The following TVP23A variants were observed in gnomAD, a reference collection of about 807,000 sequenced individuals.
The protein encoded by TVP23A is trans-golgi network vesicle protein 23 homolog A.
Under a neutral mutation model 31.7 loss-of-function variants are expected in TVP23A, and 21 were observed. The ratio of observed to expected loss-of-function variants is 0.66; its 90% CI spans 0.47 to 0.95. TVP23A has a LOEUF of 0.95. TVP23A is among the 40% of genes least tolerant of loss of function. The pLI is 0.00. For synonymous variants in TVP23A, 104 were observed against 96.0 expected (o/e 1.08, Z -0.49); for missense variants, 279 against 255.6 (o/e 1.09, Z -0.62).
chr16:10,765,493 G>A (rs2030742557), downstream of TVP23A, among the ~76,000 whole-genome samples: 1 of 152,118 alleles, frequency 6.6e-6, no homozygotes, highest in Non-Finnish European at 1.5e-5. The surrounding 1 kb of genome is among the most constrained non-coding windows in gnomAD (Gnocchi z 4.0). Context: ...GGGCGACAGA[G>A]CAAGAACCTG....
intron 2 of TVP23A, among the ~76,000 whole-genome samples, chr16:10,782,716 C>T (rs2032500128): frequency 6.6e-6 from 1 of 152,110 alleles, no homozygotes; most frequent in African/African-American, 2.4e-5. Context: ...TTTGCCCAGG[C>T]TGGTCTCAAA....
rs1015395414 is a variant in TVP23A at position 10,779,575 on chromosome 16, C to G, written c.90-4479G>C. Among the ~76,000 whole-genome samples, 13 of 152,348 alleles carry G rather than the reference C, an allele frequency of 8.5e-5. No individual in the cohort carries two copies. The highest frequency in any genetic ancestry group is 6.8e-3 in the Middle Eastern group (2 of 294). On this transcript the variant is annotated intron_variant, in intron 2 of 7. Coordinates refer to ENST00000299866, the MANE Select transcript of TVP23A (RefSeq NM_001079512.4). This position sits in a 1 kb window ranked among gnomAD's most constrained non-coding sequence, Gnocchi z 4.9. The stretch of plus-strand genomic sequence containing the variant: ...AGGCAAACAGCACAGGGGCATGGCA[C>G]CAGCTGCGTGTGTTCCCGGACCAAC...
chr16:10,773,137 C>T (rs2031747862), intron 5 of TVP23A, among the ~76,000 whole-genome samples, 176 bp downstream of exon 5: 1 of 152,246 alleles, frequency 6.6e-6, no homozygotes, highest in African/African-American at 2.4e-5. Flanking sequence ...GCCACCATGC[C>T]AAGCCCCTAA....
At chr16:10,789,761 G>A (rs2032989854) in intron 2 of TVP23A, among the ~76,000 whole-genome samples, 1 of 150,808 alleles carries the variant, frequency 6.6e-6, no homozygotes, top group South Asian at 2.1e-4. Flanking sequence ...AACCCAAGAG[G>A]TAGAGGTTGC....
chr16:10,798,505 G>A (rs1177599585), intron 2 of TVP23A, among the ~76,000 whole-genome samples: 2 of 152,178 alleles, frequency 1.3e-5, no homozygotes, highest in African/African-American at 4.8e-5. Flanking sequence ...ATGGCCACCG[G>A]TGATCCTGAC....
downstream of TVP23A, among the ~76,000 whole-genome samples, chr16:10,762,772 G>A (rs781619186): frequency 1.9e-4 from 29 of 151,194 alleles, no homozygotes; most frequent in African/African-American, 3.4e-4. Context: ...GGGGCCGGGC[G>A]GGTGAAGTAT....
chr16:10,761,678 T>A (rs565336258), downstream of TVP23A: 4 of 1,138,042 alleles, frequency 3.5e-6, no homozygotes, highest in East Asian at 2.4e-5. Flanking sequence ...TTTTTTTTTT[T>A]AAGTTTCTTT....
Position 10,768,176 on chromosome 16 carries a change from A to G in TVP23A, c.*926T>C, listed in dbSNP as rs892486139. ...CCATAGCCGAGGAAGCCAGGAGTCC[A>G]TGAGAAATCTCTCAATGTGTGAGTA... is the stretch of plus-strand genomic sequence containing the variant. On this transcript the variant is annotated 3_prime_UTR_variant, in exon 8 of 8. Transcript: ENST00000299866. This position sits in a 1 kb window ranked among gnomAD's most constrained non-coding sequence, Gnocchi z 4.3. The G allele has an allele frequency of 1.3e-5, 8 of 638,322 alleles. No homozygotes were observed. Among genetic ancestry groups the G allele is most frequent in the Non-Finnish European group, 2.2e-5 (8 of 366,870 alleles). The allele number at this position is 638,322 out of a possible 1,614,324, so 39.5% of individuals were successfully genotyped here.
chr16:10,808,064 GCTCT>G (rs1454364506), intron 2 of TVP23A, among the ~76,000 whole-genome samples: 1 of 152,254 alleles, frequency 6.6e-6, no homozygotes, highest in South Asian at 2.1e-4. Context: ...AAGTCACTCA[GCTCT>G]CTCTGTTAGC....
chr16:10,764,989 T>G (rs1418468988), downstream of TVP23A: 1 of 164,926 alleles, frequency 6.1e-6, no homozygotes, highest in East Asian at 1.9e-4. Context: ...TGAGCCCACT[T>G]ACCCATCAGA....
chr16:10,788,896 A>G (rs1258659809), intron 2 of TVP23A, among the ~76,000 whole-genome samples: 1 of 152,224 alleles, frequency 6.6e-6, no homozygotes, highest in Non-Finnish European at 1.5e-5. Flanking sequence ...GTTTGCAGAT[A>G]AGAGAGCAGG....
At chr16:10,808,202 G>A (rs2034030753) in intron 2 of TVP23A, among the ~76,000 whole-genome samples, 1 of 152,218 alleles carries the variant, frequency 6.6e-6, no homozygotes, top group Non-Finnish European at 1.5e-5. Flanking sequence ...CTGGGGAAGT[G>A]TTTGCTATTG....
At chr16:10,765,266 C>CAA (rs1459846586), downstream of TVP23A, 1 of 146,042 alleles carries the variant, frequency 6.8e-6, no homozygotes, top group Non-Finnish European at 1.5e-5. The surrounding 1 kb of genome is among the most constrained non-coding windows in gnomAD (Gnocchi z 4.0). Flanking sequence ...ATTAAATACA[C>CAA]ACACACACAC....
intron 2 of TVP23A, among the ~76,000 whole-genome samples, chr16:10,812,677 T>C (rs565178897): frequency 1.3e-5 from 2 of 152,284 alleles, no homozygotes; most frequent in African/African-American, 4.8e-5. Context: ...ATGACCCTTT[T>C]ATGGGGTCCC....
chr16:10,801,868 T>C (rs906642313), intron 2 of TVP23A, among the ~76,000 whole-genome samples: 7 of 152,146 alleles, frequency 4.6e-5, no homozygotes, highest in African/African-American at 1.7e-4. Context: ...AGAATGTCCT[T>C]TTCTTACAGT....
intron 2 of TVP23A, among the ~76,000 whole-genome samples, chr16:10,784,202 A>G (rs1470490675): frequency 6.6e-6 from 1 of 151,694 alleles, no homozygotes; most frequent in Non-Finnish European, 1.5e-5. Flanking sequence ...GGTGGTGCAC[A>G]CCTGTAATCC....
chr16:10,773,252 G>A, intron 5 of TVP23A, 61 bp downstream of exon 5: 2 of 1,530,522 alleles, frequency 1.3e-6, no homozygotes, highest in East Asian at 2.3e-5. Flanking sequence ...AAAGCCTAGT[G>A]GTGCAAACAC....
At chr16:10,795,413 G>A (rs1222408265) in intron 2 of TVP23A, among the ~76,000 whole-genome samples, 2 of 152,040 alleles carry the variant, frequency 1.3e-5, no homozygotes, top group Admixed American at 1.3e-4. Context: ...ACCACGCCTG[G>A]CTAATTTTTG....
intron 2 of TVP23A, among the ~76,000 whole-genome samples, chr16:10,793,316 T>C (rs1330829900): frequency 6.6e-6 from 1 of 152,100 alleles, no homozygotes; most frequent in Admixed American, 6.6e-5. Context: ...ATATCGACTC[T>C]AGAGTCTGGG....
Sources: gnomAD v4.1 joint callset for allele counts (sites outside exome capture counted in the v4.1 genomes callset) on GRCh38, gnomAD v4.1.1 for gene constraint, Gnocchi (gnomAD v3.1) non-coding constraint, MANE v1.5 for transcripts, NCBI Gene and HGNC (gene_info 2026-07-23, HGNC 2026-07-21) for gene names.